The following XKR9 variants were observed in gnomAD, a reference collection of about 807,000 sequenced individuals.
XKR9 encodes the protein XK related 9.
Under a neutral mutation model 32.0 loss-of-function variants are expected in XKR9, and 32 were observed. The observed-to-expected ratio is 1.00, with a 90% CI of 0.76 to 1.34. The LOEUF (loss-of-function observed/expected upper bound fraction) is 1.34, where lower values mean the gene tolerates loss of function less well. Among genes scored for constraint, XKR9 ranks in the 40% most tolerant of loss-of-function variants. The pLI is 0.00. For synonymous variants in XKR9, 168 were observed against 143.4 expected (o/e 1.17, Z -1.22); for missense variants, 546 against 429.7 (o/e 1.27, Z -2.39).
intron 2 of XKR9, among the ~76,000 whole-genome samples, chr8:70,757,807 G>A (rs6998397): frequency 0.4 from 61,207 of 151,814 alleles, 13,862 homozygotes; most frequent in Non-Finnish European, 0.52. Flanking sequence ...GGCTGGTCTC[G>A]AACTCCTTAC....
chr8:70,690,806 T>C (rs189375386), intron 3 of XKR9, among the ~76,000 whole-genome samples: 1 of 152,320 alleles, frequency 6.6e-6, no homozygotes, highest in Non-Finnish European at 1.5e-5. Flanking sequence ...ATATAACACA[T>C]TTTCTTTACC....
intron 4 of XKR9, among the ~76,000 whole-genome samples, chr8:70,710,020 A>C (rs1805857097): frequency 6.6e-6 from 1 of 152,242 alleles, no homozygotes; most frequent in South Asian, 2.1e-4. Context: ...TGGAGGCATC[A>C]CACTATCTGA....
At chr8:70,883,201 G>C in the XKR9 span, among the ~76,000 whole-genome samples, 2 of 150,968 alleles carry the variant, frequency 1.3e-5, no homozygotes, top group African/African-American at 4.9e-5. Flanking sequence ...CATAGCTTAG[G>C]CTCCCACTTA....
the XKR9 span, among the ~76,000 whole-genome samples, chr8:71,025,661 C>T: frequency 6.6e-6 from 1 of 152,168 alleles, no homozygotes; most frequent in African/African-American, 2.4e-5. Flanking sequence ...TCCATGAGCC[C>T]CAGCTTTCTG....
chr8:70,687,982 T>A (rs1358587304), intron 3 of XKR9, among the ~76,000 whole-genome samples: 1 of 152,256 alleles, frequency 6.6e-6, no homozygotes, highest in Non-Finnish European at 1.5e-5. Flanking sequence ...TCAGATATTG[T>A]ACAGTTTTAC....
chr8:70,977,749 G>C, the XKR9 span, among the ~76,000 whole-genome samples: 1 of 152,164 alleles, frequency 6.6e-6, no homozygotes, highest in Non-Finnish European at 1.5e-5. Context: ...TGTCTATTAG[G>C]TCTGCTTGTT....
downstream of XKR9, among the ~76,000 whole-genome samples, chr8:70,793,796 A>ACTTTGTCCCTTTTTTTT (rs1807794910): frequency 6.6e-6 from 1 of 151,198 alleles, no homozygotes; most frequent in Admixed American, 6.6e-5. Flanking sequence ...GAGTTCTCTA[A>ACTTTGTCCCTTTTTTTT]CTTTGTCCCT....
At chr8:70,901,123 G>A in the XKR9 span, among the ~76,000 whole-genome samples, 12 of 152,262 alleles carry the variant, frequency 7.9e-5, no homozygotes, top group South Asian at 4.2e-4. Flanking sequence ...AAACATACGT[G>A]TGCATGTGTC....
At chr8:70,804,874 A>G in the XKR9 span, among the ~76,000 whole-genome samples, 1 of 152,194 alleles carries the variant, frequency 6.6e-6, no homozygotes, top group African/African-American at 2.4e-5. Context: ...TCTAGTTTAT[A>G]TAAAAGAAAA....
At chr8:70,768,245 T>C (rs1371434311) in intron 2 of XKR9, among the ~76,000 whole-genome samples, 5 of 152,250 alleles carry the variant, frequency 3.3e-5, no homozygotes, top group Non-Finnish European at 2.9e-5. Context: ...GTGAGTTTCT[T>C]AATCCTGAGT....
At chr8:70,779,181 G>A (rs1026773579) in intron 2 of XKR9, among the ~76,000 whole-genome samples, 2 of 152,020 alleles carry the variant, frequency 1.3e-5, no homozygotes, top group Non-Finnish European at 2.9e-5. Context: ...TTTGTCGAAG[G>A]CCTTTTCTTA....
At chr8:70,765,212 G>A (rs1033682133) in intron 2 of XKR9, among the ~76,000 whole-genome samples, 1 of 152,170 alleles carries the variant, frequency 6.6e-6, no homozygotes, top group Non-Finnish European at 1.5e-5. Context: ...CCCACCAACA[G>A]TGTAAAAGCG....
chr8:70,855,338 C>T, the XKR9 span, among the ~76,000 whole-genome samples: 1 of 152,070 alleles, frequency 6.6e-6, no homozygotes, highest in Non-Finnish European at 1.5e-5. Flanking sequence ...AATGCACAAG[C>T]CTCAGTAGCC....
At chr8:70,830,731 A>G in the XKR9 span, among the ~76,000 whole-genome samples, 1 of 152,222 alleles carries the variant, frequency 6.6e-6, no homozygotes, top group Admixed American at 6.5e-5. Flanking sequence ...AAACACTTCT[A>G]ACATGCATTC....
the XKR9 span, among the ~76,000 whole-genome samples, chr8:70,855,809 T>G: frequency 6.6e-6 from 1 of 152,248 alleles, no homozygotes; most frequent in East Asian, 1.9e-4. Context: ...CAGAAGAGAG[T>G]GGGGGCCAAT....
chr8:70,781,814 A>C (rs372009823), intron 2 of XKR9, among the ~76,000 whole-genome samples: 2 of 152,306 alleles, frequency 1.3e-5, no homozygotes, highest in African/African-American at 4.8e-5. Flanking sequence ...CTTTCTCAAA[A>C]AGTGTGTTCT....
the XKR9 span, among the ~76,000 whole-genome samples, chr8:70,843,741 C>T: frequency 6.6e-6 from 1 of 152,116 alleles, no homozygotes; most frequent in Non-Finnish European, 1.5e-5. Flanking sequence ...CTTTTGCAGG[C>T]CCTAGGAATG....
At chr8:70,985,802 CTACTT>C in the XKR9 span, among the ~76,000 whole-genome samples, 24 of 151,684 alleles carry the variant, frequency 1.6e-4, no homozygotes, top group East Asian at 5.8e-4. Context: ...GCTGAAAACT[CTACTT>C]TAAAGAGCAC....
chr8:71,034,012 G>T, the XKR9 span, among the ~76,000 whole-genome samples: 2 of 152,212 alleles, frequency 1.3e-5, no homozygotes, highest in South Asian at 2.1e-4. Flanking sequence ...AGATCAAGAA[G>T]AAACTTTAAT....
Sources: gnomAD v4.1 joint callset for allele counts (sites outside exome capture counted in the v4.1 genomes callset) on GRCh38, gnomAD v4.1.1 for gene constraint, MANE v1.5 for transcripts, NCBI Gene and HGNC (gene_info 2026-07-23, HGNC 2026-07-21) for gene names.